Variants in ADGRG4 observed in about 807,000 individuals in gnomAD.
ADGRG4 encodes adhesion G protein-coupled receptor G4.
In ADGRG4, 122 loss-of-function variants were observed where a neutral mutation model predicts 126.2. The ratio of observed to expected loss-of-function variants is 0.97; its 90% confidence interval spans 0.83 to 1.12. The LOEUF (loss-of-function observed/expected upper bound fraction) is 1.12. ADGRG4 is among the 50% of genes most tolerant of loss of function. The probability of loss-of-function intolerance (pLI) is 0.00; values close to 1 mark genes in which losing one functional copy is unlikely to be tolerated. For synonymous variants in ADGRG4, 943 were observed against 838.7 expected, an observed-to-expected ratio of 1.12 and a Z score of -2.15; for missense variants, 2,481 against 2,251.8, an observed-to-expected ratio of 1.10 and a Z score of -2.06.
At position 136,403,493 on chromosome X, in the gene ADGRG4, C is replaced by T. The variant is rs957892156; in HGVS notation, c.8654+171C>T. Reference sequence around the variant, plus strand: ...TTATGTGATGGTTAGTTGCCCGGGTCCTCTATGACCTTGGGCAAGTTACCT... The same window carrying T: ...TTATGTGATGGTTAGTTGCCCGGGTTCTCTATGACCTTGGGCAAGTTACCT... On this transcript the variant is annotated intron_variant, in intron 22 of 25. Transcript: ENST00000394143. 7.1e-5 allele frequency among the ~76,000 whole-genome samples: 8 copies of T among 112,353 alleles called. 1 individual carries two copies. Among genetic ancestry groups the T allele is most frequent in the African/African-American group, 2.3e-4 (7 of 30,920 alleles).
intron 13 of ADGRG4, among the ~76,000 whole-genome samples, chrX:136,367,960 C>G (rs2075170095): frequency 8.9e-6 from 1 of 112,026 alleles, no homozygotes; most frequent in Non-Finnish European, 1.9e-5. Context: ...GCATCAGGCT[C>G]TAGTGAAGTT....
intron 4 of ADGRG4, among the ~76,000 whole-genome samples, chrX:136,317,353 A>T (rs1221210073): frequency 9.2e-6 from 1 of 108,914 alleles, no homozygotes; most frequent in Non-Finnish European, 1.9e-5. Context: ...ACAAAAAGTT[A>T]TCTGGGCATG....
At chrX:136,357,505 G>A (rs888820990) in intron 9 of ADGRG4, among the ~76,000 whole-genome samples, 199 bp from the exon 10 acceptor site, 14 of 112,126 alleles carry the variant, frequency 1.2e-4, no homozygotes, top group Non-Finnish European at 2.1e-4. Context: ...CAAAGAGGGC[G>A]ACAATCCCTG....
At chrX:136,399,786 C>T (rs747286675) in intron 20 of ADGRG4, 62 bp from the exon 21 acceptor site, 24 of 946,093 alleles carry the variant, frequency 2.5e-5, no homozygotes, top group Admixed American at 8.4e-5. Context: ...TAAGATGTGG[C>T]GATGTTTAAT....
In ADGRG4 at chrX:136,349,691, C is replaced by T; in HGVS notation, c.5985C>T (p.Ala1995=). 3 of 1,210,806 alleles carry T rather than the reference C, an allele frequency of 2.5e-6. No individual in the cohort carries two copies. Among genetic ancestry groups the T allele is most frequent in the Non-Finnish European group, 3.4e-6 (3 of 895,028 alleles). ...CACTCCCATCAATTCTTTCTGGTGCCACTTCAGGATCTGTAATTTCAAAGT... is the reference window on the plus strand; with the variant it reads ...CACTCCCATCAATTCTTTCTGGTGCTACTTCAGGATCTGTAATTTCAAAGT... ...GTTLPSILSG[A]TSGSVISKSP... is the part of the protein sequence containing the mutation. Residue 1995 remains alanine, a synonymous_variant, in exon 6 of 26, where the codon GCC becomes GCT. Coordinates refer to ENST00000394143, the MANE Select transcript of ADGRG4 (RefSeq NM_153834.4).
intron 10 of ADGRG4, among the ~76,000 whole-genome samples, chrX:136,358,258 A>C (rs1397041344): frequency 9.0e-6 from 1 of 110,773 alleles, no homozygotes; most frequent in Non-Finnish European, 1.9e-5. Flanking sequence ...AGAGGTTTAA[A>C]ATGAAGACTC....
intron 4 of ADGRG4, among the ~76,000 whole-genome samples, chrX:136,322,460 A>G (rs932979219): frequency 4.5e-5 from 5 of 110,917 alleles, no homozygotes; most frequent in African/African-American, 1.6e-4. Context: ...CCTCTTCCCT[A>G]CCCTTTCACT....
intron 5 of ADGRG4, among the ~76,000 whole-genome samples, chrX:136,325,768 T>C (rs1230584811): frequency 4.7e-5 from 5 of 105,594 alleles, no homozygotes; most frequent in African/African-American, 1.7e-4. Flanking sequence ...TGGAGTGCCA[T>C]GGTGCCATCT....
At chrX:136,302,287 G>A (rs376006740) in intron 1 of ADGRG4, among the ~76,000 whole-genome samples, 2 of 111,763 alleles carry the variant, frequency 1.8e-5, no homozygotes, top group East Asian at 2.8e-4. Context: ...TCTCCTTGAA[G>A]AGGTCCTTCA....
At chrX:136,404,787 G>A (rs138337890) in intron 22 of ADGRG4, among the ~76,000 whole-genome samples, 10 of 112,027 alleles carry the variant, frequency 8.9e-5, no homozygotes, top group Non-Finnish European at 1.7e-4. Flanking sequence ...AACTCTAGGT[G>A]TCAGAATCTA....
chrX:136,379,817 C>T (rs763988670), intron 15 of ADGRG4, among the ~76,000 whole-genome samples: 182 of 110,677 alleles, frequency 1.6e-3, no homozygotes, highest in Non-Finnish European at 2.2e-3. Context: ...ACAATTCTTC[C>T]GATCCCTGTG....
chrX:136,332,026 TTAAG>T (rs1271401712), intron 5 of ADGRG4, among the ~76,000 whole-genome samples: 1 of 109,274 alleles, frequency 9.2e-6, no homozygotes, highest in Non-Finnish European at 1.9e-5. Context: ...TTATTATACT[TTAAG>T]TTTTAGGGTA....
intron 15 of ADGRG4, among the ~76,000 whole-genome samples, chrX:136,376,678 G>A (rs986435011): frequency 1.0e-4 from 11 of 109,366 alleles, no homozygotes; most frequent in Non-Finnish European, 2.1e-4. Flanking sequence ...GTATTGTATT[G>A]TATTGTATTG....
intron 16 of ADGRG4, among the ~76,000 whole-genome samples, chrX:136,388,932 G>C (rs2075305581): frequency 8.9e-6 from 1 of 112,147 alleles, no homozygotes; most frequent in South Asian, 3.7e-4. Flanking sequence ...TTTCCCAGAT[G>C]TGTTTGTATT....
intron 4 of ADGRG4, among the ~76,000 whole-genome samples, chrX:136,312,296 G>A (rs2074777416): frequency 1.8e-5 from 2 of 112,192 alleles, no homozygotes; most frequent in Non-Finnish European, 3.8e-5. Flanking sequence ...CTAGAAGGTT[G>A]TAGAGACTGG....
chrX:136,383,826 C>CT (rs2148488356), intron 15 of ADGRG4, among the ~76,000 whole-genome samples: 1 of 84,065 alleles, frequency 1.2e-5, no homozygotes, highest in South Asian at 6.0e-4. Flanking sequence ...TTCTTTCTTT[C>CT]TTTCTTTCTT....
At chrX:136,333,186 A>G (rs1186107816) in intron 5 of ADGRG4, among the ~76,000 whole-genome samples, 1 of 111,675 alleles carries the variant, frequency 9.0e-6, no homozygotes, top group Non-Finnish European at 1.9e-5. Flanking sequence ...ACAAAAATCA[A>G]TTCAAGATGG....
chrX:136,363,056 T>C (rs2075137909), intron 12 of ADGRG4, among the ~76,000 whole-genome samples: 1 of 111,246 alleles, frequency 9.0e-6, no homozygotes, highest in African/African-American at 3.3e-5. Context: ...CGATGGGCCA[T>C]CGAGGGTTCT....
Position 136,346,594 on chromosome X carries a change from G to A in ADGRG4, c.2888G>A (p.Gly963Asp). 1 of 1,210,095 alleles carries A rather than the reference G, an allele frequency of 8.3e-7. No homozygotes were observed. The highest frequency in any genetic ancestry group is 1.1e-6 in the Non-Finnish European group (1 of 894,467). ...SPTSGSTHIF[G>D]EPLGASTTRI... The stretch of plus-strand genomic sequence containing the variant: ...ACTTCTGGGAGCACACATATATTCG[G>A]TGAACCCCTGGGTGCTTCTACCACA... The change falls in exon 6 of 26, where the codon GGT (glycine) becomes GAT (aspartate). Residue 963 changes from glycine (G) to aspartate (D), a missense_variant. Physicochemically the swap from Gly to Asp is moderately conservative, Grantham distance 94. Transcript: ENST00000394143.
Sources: gnomAD v4.1 joint callset for allele counts (sites outside exome capture counted in the v4.1 genomes callset) on GRCh38, gnomAD v4.1.1 for gene constraint, MANE v1.5 for transcripts, NCBI Gene and HGNC (gene_info 2026-07-23, HGNC 2026-07-21) for gene names.